ATAD5: variants seen among roughly 807,000 people sequenced by gnomAD.
ATAD5 encodes ATPase family AAA domain containing 5, also known as ATPase family AAA domain-containing protein 5.
Under a neutral mutation model 176.9 loss-of-function variants are expected in ATAD5, and 58 were observed. The observed-to-expected ratio is 0.33, with a 90% CI of 0.27 to 0.41. The LOEUF (loss-of-function observed/expected upper bound fraction) is 0.41. Ranked by LOEUF, ATAD5 falls within the 10% of genes least tolerant of loss-of-function variation. ATAD5 has a pLI of 1.00. For synonymous variants in ATAD5, 640 were observed against 712.6 expected (o/e 0.90, Z 1.62); for missense variants, 1,789 against 2,094.1 (o/e 0.85, Z 2.84).
chr17:30,862,345 A>G (rs1308980659), intron 10 of ATAD5, among the ~76,000 whole-genome samples: 1 of 152,070 alleles, frequency 6.6e-6, no homozygotes, highest in Non-Finnish European at 1.5e-5. Flanking sequence ...GGGGCAAAAA[A>G]AAAGGTAACA....
Position 30,832,224 on chromosome 17 carries a change from C to G in ATAD5, c.-124C>G. 2 of 807,978 alleles carry G rather than the reference C, an allele frequency of 2.5e-6. No individual in the cohort carries two copies. The highest frequency in any genetic ancestry group is 3.5e-6 in the Non-Finnish European group (2 of 568,414). 50.1% of individuals were successfully genotyped at this position (807,978 alleles called of 1,614,324 possible). A position where few individuals can be genotyped will look rare whatever the true frequency, so the allele number is the denominator to read the frequency against. On this transcript the variant is annotated 5_prime_UTR_variant, in exon 1 of 23. Transcript: ENST00000321990. ...CTCTGTCGGTGGGCGCGGGGGAATC[C>G]GAAACGGCTCAGCAGAATCCCAGCA...
At position 30,832,359 on chromosome 17, in the gene ATAD5, C is replaced by T; in HGVS notation, c.12C>T (p.Val4=). Residue 4 remains valine (V), a synonymous_variant, in exon 1 of 23, where the codon GTC becomes GTT. Transcript: ENST00000321990. ...GGGAAGCGGGGAGTATGGTGGGGGT[C>T]CTGGCCATGGCGGCTGCAGCTGCTC... The part of the protein sequence containing the change: MVG[V]LAMAAAAAPP... 6.4e-7 allele frequency: 1 copy of T among 1,562,360 alleles called. No individual in the cohort carries two copies. Among genetic ancestry groups the T allele is most frequent in the Non-Finnish European group, 8.7e-7 (1 of 1,153,218 alleles).
chr17:30,893,147 T>C (rs980915060), intron 20 of ATAD5, 147 bp from the exon 21 acceptor site: 6 of 763,052 alleles, frequency 7.9e-6, no homozygotes, highest in East Asian at 3.3e-5. Flanking sequence ...ACTATTTTGA[T>C]ATATTAAATA....
chr17:30,847,696 A>G (rs1320071534), intron 6 of ATAD5, among the ~76,000 whole-genome samples: 1 of 148,074 alleles, frequency 6.8e-6, no homozygotes, highest in Non-Finnish European at 1.5e-5. Flanking sequence ...TTTGGCTATT[A>G]TTAAATAGAC....
intron 6 of ATAD5, among the ~76,000 whole-genome samples, chr17:30,853,448 T>C (rs1359810713): frequency 6.6e-6 from 1 of 152,036 alleles, no homozygotes; most frequent in African/African-American, 2.4e-5. Context: ...ATCTTCCTCC[T>C]TCCCGCCAAT....
chr17:30,850,833 T>TTATATATATATATATATA (rs1312470807), intron 6 of ATAD5, among the ~76,000 whole-genome samples: 2 of 27,838 alleles, frequency 7.2e-5, no homozygotes, highest in Non-Finnish European at 5.9e-5. Flanking sequence ...TTATATATTT[T>TTATATATATATATATATA]TATATATATA....
intron 19 of ATAD5, 44 bp downstream of exon 19, chr17:30,887,416 A>G (rs1176434751): frequency 6.6e-7 from 1 of 1,522,374 alleles, no homozygotes; most frequent in Non-Finnish European, 8.9e-7. Flanking sequence ...ATGGGACCCT[A>G]TTTAAAAATC....
intron 6 of ATAD5, among the ~76,000 whole-genome samples, chr17:30,847,995 C>T (rs1487281614): frequency 6.6e-6 from 1 of 152,170 alleles, no homozygotes; most frequent in African/African-American, 2.4e-5. Context: ...GCTGGGATTA[C>T]AAGCGCGAGC....
At chr17:30,841,981 AAAT>A (rs1383046127) in intron 4 of ATAD5, among the ~76,000 whole-genome samples, 1 of 152,188 alleles carries the variant, frequency 6.6e-6, no homozygotes, top group African/African-American at 2.4e-5. Context: ...TAAAAAAATA[AAAT>A]AATGGGATGG....
intron 1 of ATAD5, among the ~76,000 whole-genome samples, chr17:30,833,690 T>C (rs1394033327): frequency 6.6e-6 from 1 of 152,214 alleles, no homozygotes; most frequent in Non-Finnish European, 1.5e-5. Context: ...TGGTTTCTTT[T>C]TGTTTTTTGA....
intron 3 of ATAD5, among the ~76,000 whole-genome samples, chr17:30,837,553 GCTTT>G (rs1905825285): frequency 6.6e-6 from 1 of 152,154 alleles, no homozygotes; most frequent in Non-Finnish European, 1.5e-5. Context: ...CTTATAAAAA[GCTTT>G]CTTAGTGAGT....
intron 15 of ATAD5, 72 bp downstream of exon 15, chr17:30,876,622 T>C: frequency 1.1e-6 from 1 of 884,696 alleles, no homozygotes; most frequent in South Asian, 2.4e-5. Flanking sequence ...TGTGAGCACA[T>C]TTTACGAGTT....
intron 5 of ATAD5, among the ~76,000 whole-genome samples, 187 bp from the exon 6 acceptor site, chr17:30,844,648 T>C (rs1357466737): frequency 2.1e-5 from 3 of 143,936 alleles, no homozygotes; most frequent in Non-Finnish European, 3.0e-5. Context: ...CTCGGGAGGC[T>C]GAGGCATGAG....
intron 12 of ATAD5, 31 bp downstream of exon 12, chr17:30,868,443 C>G: frequency 7.7e-7 from 1 of 1,295,592 alleles, no homozygotes; most frequent in Non-Finnish European, 1.0e-6. Flanking sequence ...TTTTTTTTTA[C>G]CATTTCACTG....
intron 9 of ATAD5, among the ~76,000 whole-genome samples, chr17:30,859,699 T>C (rs9894838): frequency 0.76 from 107,973 of 142,964 alleles, 42,404 homozygotes; most frequent in East Asian, 1. Context: ...CTCACTTTGT[T>C]GCCCAGGCTA....
At chr17:30,866,613 G>A (rs538066287) in intron 11 of ATAD5, among the ~76,000 whole-genome samples, 4 of 151,604 alleles carry the variant, frequency 2.6e-5, no homozygotes, top group South Asian at 2.1e-4. Context: ...CTGGGAGTTC[G>A]AGACCAGCCT....
chr17:30,833,766 C>G (rs928968350), intron 1 of ATAD5, among the ~76,000 whole-genome samples: 24 of 152,172 alleles, frequency 1.6e-4, no homozygotes, highest in Non-Finnish European at 2.5e-4. Context: ...CTGCAACCTC[C>G]GCCTCCCAGG....
intron 3 of ATAD5, among the ~76,000 whole-genome samples, chr17:30,840,246 TATA>T (rs1475459023): frequency 6.6e-6 from 1 of 150,526 alleles, no homozygotes; most frequent in African/African-American, 2.4e-5. Flanking sequence ...GTCCATGTAT[TATA>T]ATACTGTTTT....
At chr17:30,862,389 A>G (rs1177933938) in intron 10 of ATAD5, among the ~76,000 whole-genome samples, 2 of 152,110 alleles carry the variant, frequency 1.3e-5, no homozygotes, top group Non-Finnish European at 2.9e-5. Flanking sequence ...TATCCCATAC[A>G]TACTATTTTA....
Sources: allele counts gnomAD v4.1 joint callset (sites outside exome capture counted in the v4.1 genomes callset), GRCh38; gene constraint gnomAD v4.1.1; transcripts MANE v1.5; gene names NCBI Gene and HGNC (gene_info 2026-07-23, HGNC 2026-07-21).